ZAN: variants seen among roughly 807,000 people sequenced by gnomAD.
ZAN encodes zonadhesin.
ZAN carries 260 observed loss-of-function variants against 286.2 expected under a neutral mutation model. The ratio of observed to expected loss-of-function variants is 0.91; its 90% CI spans 0.82 to 1.01. The LOEUF (loss-of-function observed/expected upper bound fraction) is 1.01. ZAN is among the 50% of genes least tolerant of loss of function. The probability of loss-of-function intolerance (pLI) is 0.00; values close to 1 mark genes in which losing one functional copy is unlikely to be tolerated. For synonymous variants in ZAN, 1,368 were observed against 1,417.5 expected, an observed-to-expected ratio of 0.97 and a Z score of 0.79; for missense variants, 3,410 against 3,639.2, an observed-to-expected ratio of 0.94 and a Z score of 1.62.
chr7:100,734,376 T>G (rs1336983142), intron 2 of ZAN, among the ~76,000 whole-genome samples, 155 bp downstream of exon 2: 3 of 140,324 alleles, frequency 2.1e-5, no homozygotes, highest in African/African-American at 5.2e-5. Flanking sequence ...TCCCAGCACT[T>G]TGGGAGGCTG....
In ZAN at chr7:100,748,155, T is replaced by C; in HGVS notation, c.1042T>C (p.Phe348Leu). 1.2e-6 allele frequency: 2 copies of C among 1,613,744 alleles called. No individual in the cohort carries two copies. Among genetic ancestry groups the C allele is most frequent in the Non-Finnish European group, 8.5e-7 (1 of 1,179,836 alleles). ...GRIQFAVVGVFGKTPEPAVAV... is the reference protein window; with the variant it reads ...GRIQFAVVGVLGKTPEPAVAV... ...TCTCCAGTTTGCCGTGGTAGGCGTT[T>C]TTGGAAAGACCCCAGAGCCAGCTGT... The change falls in exon 10 of 48, where the codon TTT becomes CTT. Residue 348 changes from phenylalanine to leucine, a missense_variant. Phe to Leu is a conservative substitution (Grantham distance 22). Coordinates refer to ENST00000613979, the MANE Select transcript of ZAN (RefSeq NM_003386.3).
chr7:100,745,418 A>C (rs1203453541), intron 7 of ZAN, among the ~76,000 whole-genome samples: 1 of 151,364 alleles, frequency 6.6e-6, no homozygotes, highest in African/African-American at 2.4e-5. Context: ...AGCCGCTTAC[A>C]TTTTCTTTTT....
Position 100,779,575 on chromosome 7 carries a change from G to A in ZAN, c.6447G>A (p.Val2149=). 2 of 1,610,294 alleles carry A rather than the reference G, an allele frequency of 1.2e-6. No individual in the cohort carries two copies. Among genetic ancestry groups the A allele is most frequent in the Non-Finnish European group, 1.7e-6 (2 of 1,178,400 alleles). ...EKCEAALRAP[V]WAQCASRIDL... ...GCGAGGCAGCGCTCCGGGCTCCTGT[G>A]TGGGCCCAGTGCGCCTCCCGCATAG... Residue 2149 remains valine (V), a synonymous_variant, in exon 35 of 48, where the codon GTG becomes GTA. Coordinates refer to ENST00000613979, the MANE Select transcript of ZAN (RefSeq NM_003386.3).
intron 29 of ZAN, among the ~76,000 whole-genome samples, chr7:100,773,016 C>T (rs1481260255): frequency 2.6e-5 from 4 of 151,540 alleles, no homozygotes; most frequent in Admixed American, 2.0e-4. Flanking sequence ...GGACTACAGG[C>T]GTGTGCCACC....
At chr7:100,751,629 G>C in intron 13 of ZAN, 83 bp from the exon 14 acceptor site, 6 of 1,452,416 alleles carry the variant, frequency 4.1e-6, no homozygotes, top group Non-Finnish European at 9.2e-7. Context: ...CCACCCATGG[G>C]AGCCCACTCC....
intron 7 of ZAN, among the ~76,000 whole-genome samples, chr7:100,740,498 G>A (rs1401993426): frequency 1.7e-5 from 1 of 58,282 alleles, no homozygotes; most frequent in Non-Finnish European, 3.4e-5. Context: ...GATTGGTGAT[G>A]ACTCTTAACG....
chr7:100,791,350 C>T (rs1037760589), intron 40 of ZAN, among the ~76,000 whole-genome samples: 2 of 148,342 alleles, frequency 1.3e-5, no homozygotes, highest in African/African-American at 2.6e-5. Context: ...ATTTTTCCTT[C>T]TTCCTTCTTC....
rs1214980963 is a variant in ZAN, at chr7:100,788,203, G to T, written c.7227+67G>T. The T allele has an allele frequency of 9.1e-6, 13 of 1,421,688 alleles. No individual in the cohort carries two copies. In the South Asian group the frequency reaches 2.0e-4, roughly 22 times the overall value. 88.1% of individuals were successfully genotyped at this position (1,421,688 alleles called of 1,614,324 possible). A position where few individuals can be genotyped will look rare whatever the true frequency, so the allele number is the denominator to read the frequency against. ...TGGACCAGGTAGGCCACCTGGAGTA[G>T]AAGTCAGGGATCCCTGTTCCCTGGG... On this transcript the variant is annotated intron_variant, in intron 38 of 47. Transcript: ENST00000613979.
At chr7:100,755,681 C>T (rs1169143982) in intron 15 of ZAN, among the ~76,000 whole-genome samples, 2 of 152,118 alleles carry the variant, frequency 1.3e-5, no homozygotes, top group Non-Finnish European at 2.9e-5. Context: ...CAGTGATCCT[C>T]CCACCTCAGC....
chr7:100,776,111 C>G (rs896791956), intron 33 of ZAN, among the ~76,000 whole-genome samples: 1 of 151,586 alleles, frequency 6.6e-6, no homozygotes, highest in African/African-American at 2.4e-5. Context: ...GTCAGGAGGT[C>G]GAGACCAGCC....
At chr7:100,764,230 C>A in intron 22 of ZAN, 34 bp downstream of exon 22, 3 of 1,475,872 alleles carry the variant, frequency 2.0e-6, no homozygotes, top group Non-Finnish European at 1.8e-6. Flanking sequence ...AGAGGCCGGG[C>A]ACGGTGGCTC....
Position 100,778,862 on chromosome 7 carries a change from G to A in ZAN, c.6318-584G>A, listed in dbSNP as rs1386925199. ...AGCCTTGCCAACATGGTGAAACCTC[G>A]TCTCTATTAAAAATACAAAAACTAG... On this transcript the variant is annotated intron_variant, in intron 34 of 47. Transcript: ENST00000613979. Among the ~76,000 whole-genome samples the A allele has an allele frequency of 3.3e-5, 5 of 151,990 alleles. No homozygotes were observed. The East Asian group carries it at 9.7e-4, about 29-fold the overall frequency.
intron 40 of ZAN, 30 bp downstream of exon 40, chr7:100,791,143 G>A: frequency 6.3e-7 from 1 of 1,597,146 alleles, no homozygotes; most frequent in African/African-American, 1.3e-5. Context: ...TGAGGCGGGG[G>A]AGGTGAACAA....
At position 100,752,109 on chromosome 7, in the gene ZAN, C is replaced by T. The variant is rs1584566660; in HGVS notation, c.2004C>T (p.Thr668=). The change falls in exon 14 of 48, where the codon ACC becomes ACT. Residue 668 remains threonine, a synonymous_variant. Coordinates refer to ENST00000613979, the MANE Select transcript of ZAN (RefSeq NM_003386.3). ...AGCCCACCACCCCCACTGAGGAGAC[C>T]ACCACCTCCATGGAAGAGCCTGTCA... The part of the protein sequence containing the change: ...TEEPTTPTEE[T]TTSMEEPVIP... 2.5e-6 allele frequency: 4 copies of T among 1,612,178 alleles called. No homozygotes were observed. The highest frequency in any genetic ancestry group is 3.4e-6 in the Non-Finnish European group (4 of 1,179,528).
In ZAN at chr7:100,797,402, T is replaced by A. The variant is rs199503515; in HGVS notation, c.8303T>A (p.Val2768Glu). ...NLVGVLLGLL[V>E]PVVVVLLAVT... ...GTGGGCGTCCTACTGGGACTGCTGG[T>A]GCCTGTGGTGGTCGTACTACTGGCC... Residue 2768 changes from valine (V) to glutamate (E), a missense_variant, in exon 46 of 48, where the codon GTG (valine) becomes GAG (glutamate). By Grantham distance (121) the Val-to-Glu change is moderately radical. Around this residue, in one of 7 missense-constraint regions of ZAN, gnomAD observed 1,289 missense variants for 1,314.3 expected, o/e 0.98. Transcript: ENST00000613979. The A allele has an allele frequency of 5.6e-4, 908 of 1,613,636 alleles. No individual in the cohort carries two copies. The highest frequency in any genetic ancestry group is 6.9e-4 in the Non-Finnish European group (816 of 1,179,778).
intron 15 of ZAN, 29 bp from the exon 16 acceptor site, chr7:100,758,173 C>T (rs755226923): frequency 3.1e-6 from 5 of 1,600,696 alleles, no homozygotes; most frequent in Non-Finnish European, 4.3e-6. Context: ...AGCTATATGA[C>T]TGTGTGACCT....
At chr7:100,743,436 C>T (rs1039220378) in intron 7 of ZAN, among the ~76,000 whole-genome samples, 1 of 152,126 alleles carries the variant, frequency 6.6e-6, no homozygotes, top group African/African-American at 2.4e-5. Flanking sequence ...TTTTCTCTCT[C>T]ACACAACATT....
chr7:100,754,474 AAAAT>A (rs943277829), intron 14 of ZAN, among the ~76,000 whole-genome samples: 1 of 152,094 alleles, frequency 6.6e-6, no homozygotes, highest in East Asian at 1.9e-4. Flanking sequence ...ATTAAAAATA[AAAAT>A]AAATAAATAA....
chr7:100,746,040 G>A (rs1808193364), intron 7 of ZAN, among the ~76,000 whole-genome samples: 1 of 151,808 alleles, frequency 6.6e-6, no homozygotes, highest in Admixed American at 6.6e-5. Context: ...CCTGGGCAAT[G>A]TGGTGAAACC....
Sources: gnomAD v4.1 joint callset for allele counts (sites outside exome capture counted in the v4.1 genomes callset) on GRCh38, gnomAD v4.1.1 for gene constraint, gnomAD v4.1.1 regional missense constraint, MANE v1.5 for transcripts, NCBI Gene and HGNC (gene_info 2026-07-23, HGNC 2026-07-21) for gene names.